Variants in CCDC88A observed in about 807,000 individuals in gnomAD.
CCDC88A encodes the protein girdin.
CCDC88A carries 54 observed loss-of-function variants against 234.3 expected under a neutral mutation model. The ratio of observed to expected loss-of-function variants is 0.23; its 90% CI spans 0.19 to 0.29. The LOEUF (loss-of-function observed/expected upper bound fraction) is 0.29. CCDC88A is among the 10% of genes least tolerant of loss of function. The pLI is 1.00. For missense variants in CCDC88A, 1,832 were observed against 2,123.4 expected (o/e 0.86, Z 2.70); for synonymous variants, 753 against 737.8 (o/e 1.02, Z -0.33).
chr2:55,355,466 T>TTGACACATA, intron 8 of CCDC88A, 113 bp downstream of exon 8: 1 of 815,084 alleles, frequency 1.2e-6, no homozygotes, highest in Non-Finnish European at 1.9e-6. Flanking sequence ...TTTTCTCATT[T>TTGACACATA]ACTTGTGAAA....
chr2:55,322,596 G>A lies in CCDC88A; in HGVS notation c.3094C>T (p.Arg1032Ter). 1 of 1,606,394 alleles carries A rather than the reference G, an allele frequency of 6.2e-7. No individual in the cohort carries two copies. The highest frequency in any genetic ancestry group is 8.5e-7 in the Non-Finnish European group (1 of 1,174,374). ...PISGEDNKWE[R>*]ESQETTRELL... ...TCTCTAGTCGTTTCTTGACTTTCTC[G>A]CTCCCATTTGTTGTCTTCACCAGAT... is the stretch of plus-strand genomic sequence containing the variant. Residue 1032 changes from arginine to a stop codon, truncating the protein, a stop_gained, in exon 18 of 33, where the codon CGA (arginine) becomes TGA (stop). Coordinates refer to ENST00000436346, the MANE Select transcript of CCDC88A (RefSeq NM_001365480.1). LOFTEE classifies it high-confidence loss of function.
intron 16 of CCDC88A, among the ~76,000 whole-genome samples, chr2:55,331,038 A>T (rs1327532676): frequency 6.6e-6 from 1 of 152,214 alleles, no homozygotes; most frequent in Non-Finnish European, 1.5e-5. Flanking sequence ...TGTATGAATT[A>T]AGGTTTGGGA....
chr2:55,319,933 A>G (rs1683413675), intron 18 of CCDC88A, among the ~76,000 whole-genome samples: 1 of 152,096 alleles, frequency 6.6e-6, no homozygotes, highest in Non-Finnish European at 1.5e-5. Flanking sequence ...ACAATAGATC[A>G]CTCTTATCAT....
intron 3 of CCDC88A, among the ~76,000 whole-genome samples, chr2:55,385,583 T>G (rs969925998): frequency 6.6e-6 from 1 of 152,140 alleles, no homozygotes; most frequent in African/African-American, 2.4e-5. Context: ...CCGGGCGCGG[T>G]GGCTCACGCC....
intron 3 of CCDC88A, among the ~76,000 whole-genome samples, chr2:55,380,896 A>G (rs1674478468): frequency 6.6e-6 from 1 of 152,218 alleles, no homozygotes; most frequent in African/African-American, 2.4e-5. Flanking sequence ...GATTACAGGC[A>G]TGAGCCACTG....
Position 55,317,576 on chromosome 2 carries a change from T to G in CCDC88A, c.3590A>C (p.Asp1197Ala). ...AHKNLEVEHR[D>A]LEDRYNQLLK... ...TATAATAAATTACCGGTCTTCAAGGTCTCTATGTTCCACCTCAAGATTTTT... is the reference window on the plus strand; with the variant it reads ...TATAATAAATTACCGGTCTTCAAGGGCTCTATGTTCCACCTCAAGATTTTT... The change falls in exon 20 of 33, where the codon GAC (aspartate) becomes GCC (alanine). Residue 1197 changes from aspartate (D) to alanine (A), a missense_variant. By Grantham distance (126) the Asp-to-Ala change is moderately radical. Around this residue, in one of 6 missense-constraint regions of CCDC88A, gnomAD observed 1,282 missense variants for 1,543.6 expected, o/e 0.83. Coordinates refer to ENST00000436346, the MANE Select transcript of CCDC88A (RefSeq NM_001365480.1). This position sits in a 1 kb window ranked among gnomAD's most constrained non-coding sequence, Gnocchi z 4.2. 6.4e-7 allele frequency: 1 copy of G among 1,565,154 alleles called. No homozygotes were observed.
intron 3 of CCDC88A, among the ~76,000 whole-genome samples, chr2:55,388,291 A>G (rs965844751): frequency 3.9e-5 from 6 of 152,230 alleles, no homozygotes; most frequent in African/African-American, 1.4e-4. Context: ...AATAAATCAT[A>G]GCAGAAATTA....
chr2:55,384,895 G>T (rs1444560933), intron 3 of CCDC88A, among the ~76,000 whole-genome samples: 1 of 151,708 alleles, frequency 6.6e-6, no homozygotes, highest in Non-Finnish European at 1.5e-5. Context: ...GACCTCCAGT[G>T]ATCCACCCAT....
At position 55,344,314 on chromosome 2, in the gene CCDC88A, AT is replaced by A. The variant is rs1668845778; in HGVS notation, c.1188+53del. The A allele has an allele frequency of 1.7e-5, 22 of 1,312,690 alleles. No homozygotes were observed. In the South Asian group the frequency reaches 3.4e-4, roughly 20 times the overall value. 81.3% of individuals were successfully genotyped at this position (1,312,690 alleles called of 1,614,324 possible). A position where few individuals can be genotyped will look rare whatever the true frequency, so the allele number is the denominator to read the frequency against. ...TTGCCAATACAGGGAAATCAGCTGA[AT>A]CTTAGAAGTTTTCCTTAAAGGCCAT... On this transcript the variant is annotated intron_variant, in intron 11 of 32. Transcript: ENST00000436346.
intron 2 of CCDC88A, among the ~76,000 whole-genome samples, chr2:55,400,993 T>C (rs1359532753): frequency 6.6e-6 from 1 of 152,206 alleles, no homozygotes; most frequent in Non-Finnish European, 1.5e-5. Flanking sequence ...GTTTGCTTTA[T>C]GAAAAATAAT....
intron 16 of CCDC88A, chr2:55,329,473 C>A (rs555589286): frequency 2.6e-5 from 4 of 152,250 alleles, no homozygotes; most frequent in African/African-American, 9.6e-5. Context: ...TTGGTATCGG[C>A]TGGAGTCAAC....
At chr2:55,293,703 CAG>C (rs1169096533) in intron 31 of CCDC88A, 1 of 152,068 alleles carries the variant, frequency 6.6e-6, no homozygotes, top group Non-Finnish European at 1.5e-5. Flanking sequence ...GAGTCCTTAT[CAG>C]CTATAGGCTA....
chr2:55,404,068 A>G (rs759235202), intron 2 of CCDC88A: 2 of 152,286 alleles, frequency 1.3e-5, no homozygotes, highest in Admixed American at 6.5e-5. Context: ...CTCCCATACT[A>G]TCAATTCAGT....
Position 55,308,930 on chromosome 2 carries a change from G to A in CCDC88A, c.4266C>T (p.Pro1422=). 2 of 1,613,824 alleles carry A rather than the reference G, an allele frequency of 1.2e-6. No individual in the cohort carries two copies. Among genetic ancestry groups the A allele is most frequent in the Non-Finnish European group, 1.7e-6 (2 of 1,179,748 alleles). ...RERQKSLTLT[P]TRSDSSEGFL... ...ATCCTTCACTGGAGTCTGAGCGGGT[G>A]GGTGTTAATGTTAGAGATTTCTGGC... The change falls in exon 25 of 33, where the codon CCC becomes CCT. Residue 1422 remains proline, a synonymous_variant. Coordinates refer to ENST00000436346, the MANE Select transcript of CCDC88A (RefSeq NM_001365480.1).
Position 55,332,515 on chromosome 2 carries a change from C to CAAA in CCDC88A, c.2855+48_2855+50dup, listed in dbSNP as rs368125112. The CAAA allele has an allele frequency of 9.3e-4, 1,276 of 1,379,370 alleles. 5 individuals are homozygous for CAAA. The East Asian group carries it at 0.026, about 28-fold the overall frequency. The allele number at this position is 1,379,370 out of a possible 1,614,324, so 85.4% of individuals were successfully genotyped here. ...AGTACAGAAAGAATTCATGTATGAGCAAAAAAAAAAAAAAATTTTCAACTG... is the reference window on the plus strand; with the variant it reads ...AGTACAGAAAGAATTCATGTATGAGCAAAAAAAAAAAAAAAAAATTTTCAACTG... On this transcript the variant is annotated intron_variant, in intron 16 of 32. Coordinates refer to ENST00000436346, the MANE Select transcript of CCDC88A (RefSeq NM_001365480.1). This position sits in a 1 kb window ranked among gnomAD's most constrained non-coding sequence, Gnocchi z 4.5.
chr2:55,409,299 T>C (rs1574507699), intron 2 of CCDC88A, among the ~76,000 whole-genome samples: 1 of 152,166 alleles, frequency 6.6e-6, no homozygotes, highest in East Asian at 1.9e-4. Flanking sequence ...CCTTCCACTC[T>C]CCCACTACTT....
intron 13 of CCDC88A, among the ~76,000 whole-genome samples, chr2:55,338,243 T>C (rs1417483502): frequency 2.0e-5 from 3 of 152,180 alleles, no homozygotes; most frequent in Non-Finnish European, 4.4e-5. Context: ...TAACACTATA[T>C]TGTCAAACGC....
intron 11 of CCDC88A, chr2:55,344,020 TCATA>T: frequency 2.4e-6 from 1 of 415,866 alleles, no homozygotes. Flanking sequence ...AAATTCTTCT[TCATA>T]GTCAACATAC....
chr2:55,357,598 C>T (rs1670761791), intron 7 of CCDC88A, among the ~76,000 whole-genome samples: 1 of 152,134 alleles, frequency 6.6e-6, no homozygotes, highest in Non-Finnish European at 1.5e-5. Context: ...ATAGCAATTT[C>T]AGCTGTACTA....
Sources: allele counts gnomAD v4.1 joint callset (sites outside exome capture counted in the v4.1 genomes callset), GRCh38; gene constraint gnomAD v4.1.1; regional missense constraint gnomAD v4.1.1; non-coding constraint Gnocchi (gnomAD v3.1); transcripts MANE v1.5; gene names NCBI Gene and HGNC (gene_info 2026-07-23, HGNC 2026-07-21).